Variants in KCTD1 observed in about 807,000 individuals in gnomAD.
KCTD1 encodes potassium channel tetramerization domain containing 1.
KCTD1 carries 24 observed loss-of-function variants against 66.0 expected under a neutral mutation model. The observed-to-expected ratio is 0.36, with a 90% CI of 0.26 to 0.51. KCTD1 has a LOEUF of 0.51. Ranked by LOEUF, KCTD1 falls within the 20% of genes least tolerant of loss-of-function variation. The pLI is 0.95. For synonymous variants in KCTD1, 511 were observed against 517.2 expected (o/e 0.99, Z 0.16); for missense variants, 943 against 1,205.2 (o/e 0.78, Z 3.22).
chr18:26,654,199 ATC>A (rs1323468587), intron 1 of KCTD1, among the ~76,000 whole-genome samples: 2 of 152,238 alleles, frequency 1.3e-5, no homozygotes, highest in South Asian at 2.1e-4. Flanking sequence ...GATAAAATAC[ATC>A]TGTCACTAAT....
At chr18:26,636,071 T>C (rs1374582922) in intron 1 of KCTD1, among the ~76,000 whole-genome samples, 6 of 152,136 alleles carry the variant, frequency 3.9e-5, no homozygotes, top group Non-Finnish European at 8.8e-5. Context: ...TGGACAGTTT[T>C]AGACTGAGTT....
At chr18:26,522,291 C>G (rs1043386464) in intron 1 of KCTD1, among the ~76,000 whole-genome samples, 1 of 152,148 alleles carries the variant, frequency 6.6e-6, no homozygotes. Flanking sequence ...GACAAACGCA[C>G]GGGGAACATG....
intron 1 of KCTD1, among the ~76,000 whole-genome samples, chr18:26,616,676 T>A (rs1372078708): frequency 9.0e-6 from 1 of 111,432 alleles, no homozygotes; most frequent in African/African-American, 3.4e-5. Context: ...TGTGCCACTA[T>A]GCCTGGCTAA....
chr18:26,629,257 T>C, upstream of KCTD1: 1 of 975,986 alleles, frequency 1.0e-6, no homozygotes, highest in Non-Finnish European at 1.2e-6. Flanking sequence ...GAGAAAAGCG[T>C]AAAATTGGGC....
At chr18:26,564,491 GC>G (rs1198483115) in intron 1 of KCTD1, among the ~76,000 whole-genome samples, 1 of 152,156 alleles carries the variant, frequency 6.6e-6, no homozygotes, top group Admixed American at 6.5e-5. Context: ...TGTCTTTGAG[GC>G]TTTTAGAAAG....
chr18:26,633,971 G>A (rs560137039), upstream of KCTD1, among the ~76,000 whole-genome samples: 2 of 152,170 alleles, frequency 1.3e-5, no homozygotes, highest in South Asian at 2.1e-4. Flanking sequence ...TGCATACAAC[G>A]GACCACTCAG....
chr18:26,604,837 T>A (rs1986976316), intron 1 of KCTD1, among the ~76,000 whole-genome samples: 1 of 152,106 alleles, frequency 6.6e-6, no homozygotes, highest in African/African-American at 2.4e-5. Flanking sequence ...TTAATCCCTG[T>A]GAAATGAGTT....
chr18:26,583,249 C>G (rs1986395510), intron 1 of KCTD1, among the ~76,000 whole-genome samples: 1 of 151,860 alleles, frequency 6.6e-6, no homozygotes, highest in African/African-American at 2.4e-5. Context: ...CAAAAATTAG[C>G]TGGATGTGGT....
At chr18:26,581,717 C>G (rs907068373) in intron 1 of KCTD1, 1 of 151,982 alleles carries the variant, frequency 6.6e-6, no homozygotes, top group East Asian at 1.9e-4. Flanking sequence ...TCAAGGCCAG[C>G]AAGACCTCAT....
intron 1 of KCTD1, among the ~76,000 whole-genome samples, chr18:26,530,009 GTCTCTGGCCCTTC>G (rs903400652): frequency 6.6e-6 from 1 of 152,218 alleles, no homozygotes; most frequent in Non-Finnish European, 1.5e-5. Context: ...ATCCAGGCCT[GTCTCTGGCCCTTC>G]TCTTCTGTAG....
intron 1 of KCTD1, among the ~76,000 whole-genome samples, chr18:26,622,996 T>G (rs1987421182): frequency 6.6e-6 from 1 of 152,240 alleles, no homozygotes; most frequent in Non-Finnish European, 1.5e-5. Flanking sequence ...CTATATGCAA[T>G]CAGCCATCAA....
chr18:26,468,181 A>G lies in KCTD1; in HGVS notation c.2134-8256T>C, dbSNP rs1980853510. Among the ~76,000 whole-genome samples, 1 of 152,236 alleles carries G rather than the reference A, an allele frequency of 6.6e-6. No homozygotes were observed. Among genetic ancestry groups the G allele is most frequent in the Admixed American group, 6.5e-5 (1 of 15,292 alleles). ...AAACAACAATGAGCAAATCAGTAAA[A>G]TTGGAGGGAGGGGAAAATTAAGGGA... On this transcript the variant is annotated intron_variant, in intron 3 of 4. Transcript: ENST00000580059. The surrounding 1 kb of genome is among the most constrained non-coding windows in gnomAD (Gnocchi z 4.8).
At chr18:26,542,872 C>A (rs1250709126) in intron 1 of KCTD1, 1 of 152,128 alleles carries the variant, frequency 6.6e-6, no homozygotes, top group African/African-American at 2.4e-5. Flanking sequence ...AAATAATACT[C>A]CTGAATACTG....
At chr18:26,501,958 G>A (rs1355755560) in intron 1 of KCTD1, among the ~76,000 whole-genome samples, 1 of 152,274 alleles carries the variant, frequency 6.6e-6, no homozygotes, top group African/African-American at 2.4e-5. Flanking sequence ...AGATGCTGAT[G>A]TGCGGTTGCA....
At chr18:26,500,227 G>A (rs577991531) in intron 2 of KCTD1, among the ~76,000 whole-genome samples, 2 of 152,040 alleles carry the variant, frequency 1.3e-5, no homozygotes, top group Admixed American at 6.6e-5. Flanking sequence ...ACCAGCCTAG[G>A]GAACACAGTC....
chr18:26,637,373 T>C (rs1271127566), intron 1 of KCTD1, among the ~76,000 whole-genome samples: 1 of 152,210 alleles, frequency 6.6e-6, no homozygotes, highest in African/African-American at 2.4e-5. Flanking sequence ...CAACGAAGAA[T>C]GTTCTCTCAA....
chr18:26,497,845 G>A (rs1360483297), intron 2 of KCTD1, among the ~76,000 whole-genome samples: 4 of 152,162 alleles, frequency 2.6e-5, no homozygotes, highest in Non-Finnish European at 5.9e-5. Context: ...GACCGGCTGG[G>A]GTATTTAAGA....
At position 26,546,792 on chromosome 18, in the gene KCTD1, G is replaced by A. The variant is rs1234844711; in HGVS notation, c.1745C>T (p.Ala582Val). The change falls in exon 1 of 5, where the codon GCC (alanine) becomes GTC (valine). Residue 582 changes from alanine to valine, a missense_variant. Transcript: ENST00000580059. ...AGAATTGGTGCTTCTGTGCCCATTG[G>A]CTTCTGGAAGAAGAGGCAGGGGGTC... The part of the protein sequence containing the change: ...KHDPLPLLPE[A>V]NGHRSTNSPT... 6.5e-7 allele frequency: 1 copy of A among 1,549,172 alleles called. No individual in the cohort carries two copies. The highest frequency in any genetic ancestry group is 2.4e-5 in the East Asian group (1 of 40,906).
At chr18:26,631,187 A>T (rs1987610780), upstream of KCTD1, among the ~76,000 whole-genome samples, 1 of 152,240 alleles carries the variant, frequency 6.6e-6, no homozygotes, top group Non-Finnish European at 1.5e-5. Context: ...TTATTCCAGG[A>T]ATGCAAAGTA....
Sources: gnomAD v4.1 joint callset for allele counts (sites outside exome capture counted in the v4.1 genomes callset) on GRCh38, gnomAD v4.1.1 for gene constraint, Gnocchi (gnomAD v3.1) non-coding constraint, MANE v1.5 for transcripts, NCBI Gene and HGNC (gene_info 2026-07-23, HGNC 2026-07-21) for gene names.